Variants in HOXC8 observed in about 807,000 individuals in gnomAD.
HOXC8 encodes the protein homeobox protein Hox-C8.
HOXC8 carries 14 observed loss-of-function variants against 25.8 expected under a neutral mutation model. The ratio of observed to expected loss-of-function variants is 0.54; its 90% CI spans 0.36 to 0.85. HOXC8 has a LOEUF of 0.85. HOXC8 is among the 40% of genes least tolerant of loss of function. The pLI is 0.01. For synonymous variants in HOXC8, 144 were observed against 124.6 expected, an observed-to-expected ratio of 1.16 and a Z score of -1.04; for missense variants, 316 against 308.8, an observed-to-expected ratio of 1.02 and a Z score of -0.17.
At position 54,009,869 on chromosome 12, in the gene HOXC8, C is replaced by G. The variant is rs1939946289; in HGVS notation, c.436+149C>G. ...CGTGCCTGTGCCTGGGTGGTTTTCT[C>G]GAAGTTGGGAAGGCTCCGCTGGGGC... On this transcript the variant is annotated intron_variant, in intron 1 of 1. Transcript: ENST00000040584. The surrounding 1 kb of genome is among the most constrained non-coding windows in gnomAD (Gnocchi z 5.0). The G allele has an allele frequency of 2.8e-6, 2 of 710,798 alleles. No homozygotes were observed. The highest frequency in any genetic ancestry group is 1.8e-5 in the South Asian group (1 of 54,156). 44.0% of individuals were successfully genotyped at this position (710,798 alleles called of 1,614,324 possible).
At position 54,009,566 on chromosome 12, in the gene HOXC8, C is replaced by G; in HGVS notation, c.282C>G (p.Leu94=). The G allele has an allele frequency of 6.2e-7, 1 of 1,614,226 alleles. No homozygotes were observed. Among genetic ancestry groups the G allele is most frequent in the Non-Finnish European group, 8.5e-7 (1 of 1,180,050 alleles). ...DASKFYGYEA[L]PRQSLYGAQQ... The stretch of plus-strand genomic sequence containing the variant: ...CCAAATTCTATGGCTACGAGGCGCT[C>G]CCCAGACAGTCCCTTTATGGGGCTC... Residue 94 remains leucine, a synonymous_variant, in exon 1 of 2, where the codon CTC becomes CTG. Transcript: ENST00000040584. The surrounding 1 kb of genome is among the most constrained non-coding windows in gnomAD (Gnocchi z 5.0).
chr12:54,009,611 G>T lies in HOXC8; in HGVS notation c.327G>T (p.Val109=), dbSNP rs777416892. 6.2e-7 allele frequency: 1 copy of T among 1,614,104 alleles called. No individual in the cohort carries two copies. The highest frequency in any genetic ancestry group is 8.5e-7 in the Non-Finnish European group (1 of 1,180,050). ...LYGAQQEASV[V]QYPDCKSSAN... ...GGGCTCAGCAAGAGGCGAGCGTGGTGCAATATCCCGACTGTAAATCCTCCG... is the reference window on the plus strand; with the variant it reads ...GGGCTCAGCAAGAGGCGAGCGTGGTTCAATATCCCGACTGTAAATCCTCCG... Residue 109 remains valine, a synonymous_variant, in exon 1 of 2, where the codon GTG becomes GTT. Coordinates refer to ENST00000040584, the MANE Select transcript of HOXC8 (RefSeq NM_022658.4). This position sits in a 1 kb window ranked among gnomAD's most constrained non-coding sequence, Gnocchi z 5.0.
rs1055066999 is a variant in HOXC8 at position 54,012,382 on chromosome 12, A to T, written c.*1001A>T. On this transcript the variant is annotated 3_prime_UTR_variant, in exon 2 of 2. Coordinates refer to ENST00000040584, the MANE Select transcript of HOXC8 (RefSeq NM_022658.4). ...AAGAAAGAAACCTCCAGCGTATTTT[A>T]TCACTACCTATAGAAAGAAATCCTG... The T allele has an allele frequency of 6.6e-6, 1 of 151,350 alleles. No individual in the cohort carries two copies. The highest frequency in any genetic ancestry group is 1.5e-5 in the Non-Finnish European group (1 of 67,812). The allele number at this position is 151,350 out of a possible 1,614,324, so 9.4% of individuals were successfully genotyped here.
At position 54,011,096 on chromosome 12, in the gene HOXC8, G is replaced by C. The variant is rs778298786; in HGVS notation, c.444G>C (p.Gly148=). ...GGGTTTTCTTCTGTCCAGCTCCGGGGAGGCGCAGTGGACGGCAAACTTACA... is the reference window on the plus strand; with the variant it reads ...GGGTTTTCTTCTGTCCAGCTCCGGGCAGGCGCAGTGGACGGCAAACTTACA... ...MFPWMRPHAP[G]RRSGRQTYSR... The change falls in exon 2 of 2, where the codon GGG becomes GGC. Residue 148 remains glycine (G), a synonymous_variant. Transcript: ENST00000040584. 6.2e-7 allele frequency: 1 copy of C among 1,613,502 alleles called. No homozygotes were observed. Among genetic ancestry groups the C allele is most frequent in the African/African-American group, 1.3e-5 (1 of 74,902 alleles).
chr12:54,009,062 G>A lies in HOXC8; in HGVS notation c.-223G>A. 1.2e-5 allele frequency: 2 copies of A among 173,736 alleles called. No individual in the cohort carries two copies. Among genetic ancestry groups the A allele is most frequent in the Non-Finnish European group, 2.4e-5 (2 of 84,642 alleles). The allele number at this position is 173,736 out of a possible 1,614,324, so 10.8% of individuals were successfully genotyped here. On this transcript the variant is annotated 5_prime_UTR_variant, in exon 1 of 2. Transcript: ENST00000040584. The surrounding 1 kb of genome is among the most constrained non-coding windows in gnomAD (Gnocchi z 5.0). Reference sequence around the variant, plus strand: ...CGCCGCCGCCCGCTCGCCGCCCGCCGCCGCCGCCGCCCGCGCCCCAGCCCC... The same window carrying A: ...CGCCGCCGCCCGCTCGCCGCCCGCCACCGCCGCCGCCCGCGCCCCAGCCCC...
In HOXC8 at chr12:54,009,242, G is replaced by A; in HGVS notation, c.-43G>A. Reference sequence around the variant, plus strand: ...TTCGGGGGTACTGGGCGGGGTACTCGTGAGCCAGAGGGGAGGGGGCCGCGG... The same window carrying A: ...TTCGGGGGTACTGGGCGGGGTACTCATGAGCCAGAGGGGAGGGGGCCGCGG... On this transcript the variant is annotated 5_prime_UTR_variant, in exon 1 of 2. It adds an upstream start codon to the 5' untranslated region. Transcript: ENST00000040584. This position sits in a 1 kb window ranked among gnomAD's most constrained non-coding sequence, Gnocchi z 5.0. 1.3e-6 allele frequency: 2 copies of A among 1,500,046 alleles called. No homozygotes were observed. Among genetic ancestry groups the A allele is most frequent in the East Asian group, 2.3e-5 (1 of 43,938 alleles). The allele number at this position is 1,500,046 out of a possible 1,614,324, so 92.9% of individuals were successfully genotyped here.
At chr12:54,011,065 A>G in intron 1 of HOXC8, 24 bp from the exon 2 acceptor site, 22 of 1,565,698 alleles carry the variant, frequency 1.4e-5, no homozygotes, top group Non-Finnish European at 1.9e-5. Context: ...AAACGTAACC[A>G]GACTGGGGTT....
Position 54,009,623 on chromosome 12 carries a change from C to T in HOXC8, c.339C>T (p.Asp113=), listed in dbSNP as rs550453406. 6.2e-7 allele frequency: 1 copy of T among 1,614,248 alleles called. No homozygotes were observed. Among genetic ancestry groups the T allele is most frequent in the Non-Finnish European group, 8.5e-7 (1 of 1,180,034 alleles). The change falls in exon 1 of 2, where the codon GAC becomes GAT. Residue 113 remains aspartate (D), a synonymous_variant. Coordinates refer to ENST00000040584, the MANE Select transcript of HOXC8 (RefSeq NM_022658.4). The surrounding 1 kb of genome is among the most constrained non-coding windows in gnomAD (Gnocchi z 5.0). ...QQEASVVQYP[D]CKSSANTNSS... is the part of the protein sequence containing the mutation. ...AGGCGAGCGTGGTGCAATATCCCGA[C>T]TGTAAATCCTCCGCCAACACTAACA... is the stretch of plus-strand genomic sequence containing the variant.
At position 54,011,649 on chromosome 12, in the gene HOXC8, C is replaced by T. The variant is rs1033764894; in HGVS notation, c.*268C>T. 8.1e-5 allele frequency: 20 copies of T among 246,798 alleles called. No individual in the cohort carries two copies. The highest frequency in any genetic ancestry group is 1.4e-4 in the Non-Finnish European group (18 of 128,488). The allele number at this position is 246,798 out of a possible 1,614,324, so 15.3% of individuals were successfully genotyped here. A position where few individuals can be genotyped will look rare whatever the true frequency, so the allele number is the denominator to read the frequency against. ...TGTCTCACTCCTTGCCCCACACACA[C>T]TTGTCCCTGCCCCCACCCTTCTGAG... On this transcript the variant is annotated 3_prime_UTR_variant, in exon 2 of 2. Transcript: ENST00000040584.
At position 54,009,783 on chromosome 12, in the gene HOXC8, GCCT is replaced by G; in HGVS notation, c.436+67_436+69del. 7.0e-7 allele frequency: 1 copy of G among 1,432,406 alleles called. No homozygotes were observed. Among genetic ancestry groups the G allele is most frequent in the Non-Finnish European group, 9.7e-7 (1 of 1,029,548 alleles). The allele number at this position is 1,432,406 out of a possible 1,614,324, so 88.7% of individuals were successfully genotyped here. On this transcript the variant is annotated intron_variant, in intron 1 of 1. Coordinates refer to ENST00000040584, the MANE Select transcript of HOXC8 (RefSeq NM_022658.4). The surrounding 1 kb of genome is among the most constrained non-coding windows in gnomAD (Gnocchi z 5.0). ...GCTCCAGGGTTTCCCCCCCTCCCTC[GCCT>G]CCTTTTTGTCTGCCCTCGCTTTTTC...
Position 54,011,592 on chromosome 12 carries a change from A to G in HOXC8, c.*211A>G. The stretch of plus-strand genomic sequence containing the variant: ...TATTTGTTTGGGGGCTGGAGGGGGG[A>G]GACGGAGAAACAGTGAAAAGTTCGG... On this transcript the variant is annotated 3_prime_UTR_variant, in exon 2 of 2. Transcript: ENST00000040584. The G allele has an allele frequency of 1.8e-6, 1 of 542,178 alleles. No homozygotes were observed. Among genetic ancestry groups the G allele is most frequent in the East Asian group, 3.8e-5 (1 of 26,558 alleles). The allele number at this position is 542,178 out of a possible 1,614,324, so 33.6% of individuals were successfully genotyped here.
In HOXC8 at chr12:54,009,514, G is replaced by A. The variant is rs1421655981; in HGVS notation, c.230G>A (p.Cys77Tyr). 6 of 1,614,088 alleles carry A rather than the reference G, an allele frequency of 3.7e-6. No individual in the cohort carries two copies. The African/African-American group carries it at 6.7e-5, about 18-fold the overall frequency. Residue 77 changes from cysteine (C) to tyrosine (Y), a missense_variant, in exon 1 of 2, where the codon TGC becomes TAC. By Grantham distance (194) the Cys-to-Tyr change is radical (BLOSUM62 -2). Transcript: ENST00000040584. The surrounding 1 kb of genome is among the most constrained non-coding windows in gnomAD (Gnocchi z 5.0). The part of the protein sequence containing the change: ...ISNSGYQQNP[C>Y]SLSCHGDASK... Reference sequence around the variant, plus strand: ...AACTCAGGCTACCAGCAGAACCCGTGCTCGCTTAGCTGCCACGGAGACGCC... The same window carrying A: ...AACTCAGGCTACCAGCAGAACCCGTACTCGCTTAGCTGCCACGGAGACGCC...
Position 54,011,515 on chromosome 12 carries a change from T to C in HOXC8, c.*134T>C. On this transcript the variant is annotated 3_prime_UTR_variant, in exon 2 of 2. Coordinates refer to ENST00000040584, the MANE Select transcript of HOXC8 (RefSeq NM_022658.4). ...AATGACACTCACAACTCTAACTACCTGTCAGATACTTGCAGCTCTGGTTTT... is the reference window on the plus strand; with the variant it reads ...AATGACACTCACAACTCTAACTACCCGTCAGATACTTGCAGCTCTGGTTTT... The C allele has an allele frequency of 1.8e-6, 2 of 1,109,246 alleles. No individual in the cohort carries two copies. Among genetic ancestry groups the C allele is most frequent in the South Asian group, 4.8e-5 (2 of 42,056 alleles). The allele number at this position is 1,109,246 out of a possible 1,614,324, so 68.7% of individuals were successfully genotyped here.
In HOXC8 at chr12:54,009,548, C is replaced by A; in HGVS notation, c.264C>A (p.Phe88Leu). Residue 88 changes from phenylalanine to leucine, a missense_variant, in exon 1 of 2, where the codon TTC becomes TTA. Transcript: ENST00000040584. This position sits in a 1 kb window ranked among gnomAD's most constrained non-coding sequence, Gnocchi z 5.0. ...GCTGCCACGGAGACGCCTCCAAATTCTATGGCTACGAGGCGCTCCCCAGAC... is the reference window on the plus strand; with the variant it reads ...GCTGCCACGGAGACGCCTCCAAATTATATGGCTACGAGGCGCTCCCCAGAC... ...SLSCHGDASKFYGYEALPRQS... is the reference protein window; with the variant it reads ...SLSCHGDASKLYGYEALPRQS... The A allele has an allele frequency of 1.2e-6, 2 of 1,614,218 alleles. No individual in the cohort carries two copies. The highest frequency in any genetic ancestry group is 1.7e-6 in the Non-Finnish European group (2 of 1,180,038).
chr12:54,010,361 C>T (rs1262054234), intron 1 of HOXC8, among the ~76,000 whole-genome samples: 1 of 152,160 alleles, frequency 6.6e-6, no homozygotes, highest in Non-Finnish European at 1.5e-5. Context: ...AAAAAGAGTG[C>T]TCAAAAGGAG....
chr12:54,009,183 C>A lies in HOXC8; in HGVS notation c.-102C>A. On this transcript the variant is annotated 5_prime_UTR_variant, in exon 1 of 2. The change creates a new upstream start codon in the 5' untranslated region. Coordinates refer to ENST00000040584, the MANE Select transcript of HOXC8 (RefSeq NM_022658.4). The surrounding 1 kb of genome is among the most constrained non-coding windows in gnomAD (Gnocchi z 5.0). ...GCCCAGCCCAGTCCCGGGGAGCCAG[C>A]TGGCCTGGGGTTCGGTCCCGGGGGG... 9.7e-7 allele frequency: 1 copy of A among 1,026,638 alleles called. No individual in the cohort carries two copies. Among genetic ancestry groups the A allele is most frequent in the Non-Finnish European group, 1.5e-6 (1 of 689,374 alleles). The allele number at this position is 1,026,638 out of a possible 1,614,324, so 63.6% of individuals were successfully genotyped here.
At position 54,009,404 on chromosome 12, in the gene HOXC8, C is replaced by T. The variant is rs376375995; in HGVS notation, c.120C>T (p.Tyr40=). The T allele has an allele frequency of 4.3e-6, 7 of 1,613,904 alleles. No individual in the cohort carries two copies. The highest frequency in any genetic ancestry group is 2.7e-5 in the African/African-American group (2 of 74,920). Residue 40 remains tyrosine, a synonymous_variant, in exon 1 of 2, where the codon TAC becomes TAT. Transcript: ENST00000040584. This position sits in a 1 kb window ranked among gnomAD's most constrained non-coding sequence, Gnocchi z 5.0. ...TGGGCAGGAGCCATGCGCTGGTGTA[C>T]GGGCCCGGCGGCTCGGCGCCCGGCT... ...QSVGRSHALV[Y]GPGGSAPGFQ...
rs999388255 is a variant in HOXC8 at position 54,012,498 on chromosome 12, G to A, written c.*1117G>A. On this transcript the variant is annotated 3_prime_UTR_variant, in exon 2 of 2. Coordinates refer to ENST00000040584, the MANE Select transcript of HOXC8 (RefSeq NM_022658.4). Reference sequence around the variant, plus strand: ...AACAACTGAGACTGCCTAGCCCGCCGGTCCTGTGCGCTTTTATTGTGCTTC... The same window carrying A: ...AACAACTGAGACTGCCTAGCCCGCCAGTCCTGTGCGCTTTTATTGTGCTTC... The A allele has an allele frequency of 6.6e-6, 1 of 152,464 alleles. No individual in the cohort carries two copies. Among genetic ancestry groups the A allele is most frequent in the African/African-American group, 2.4e-5 (1 of 41,386 alleles). The allele number at this position is 152,464 out of a possible 1,614,324, so 9.4% of individuals were successfully genotyped here. A position where few individuals can be genotyped will look rare whatever the true frequency, so the allele number is the denominator to read the frequency against.
chr12:54,011,308 A>C lies in HOXC8; in HGVS notation c.656A>C (p.Glu219Ala). ...NKDKLPGARD[E>A]EKVEEEGNEE... is the part of the protein sequence containing the mutation. ...GATAAACTGCCGGGAGCCCGAGATG[A>C]GGAGAAGGTGGAGGAAGAAGGAAAT... The change falls in exon 2 of 2, where the codon GAG becomes GCG. Residue 219 changes from glutamate to alanine, a missense_variant. Physicochemically the swap from Glu to Ala is moderately radical, Grantham distance 107 (BLOSUM62 -1). Coordinates refer to ENST00000040584, the MANE Select transcript of HOXC8 (RefSeq NM_022658.4). 6.4e-7 allele frequency: 1 copy of C among 1,559,912 alleles called. No individual in the cohort carries two copies. Among genetic ancestry groups the C allele is most frequent in the Non-Finnish European group, 8.7e-7 (1 of 1,155,252 alleles).
Sources: gnomAD v4.1 joint callset for allele counts (sites outside exome capture counted in the v4.1 genomes callset) on GRCh38, gnomAD v4.1.1 for gene constraint, Gnocchi (gnomAD v3.1) non-coding constraint, MANE v1.5 for transcripts, NCBI Gene and HGNC (gene_info 2026-07-23, HGNC 2026-07-21) for gene names.